The following MUC7 variants were observed in gnomAD, a reference collection of about 807,000 sequenced individuals.
The protein encoded by MUC7 is mucin 7, secreted.
MUC7 carries 2 observed loss-of-function variants against 2.5 expected under a neutral mutation model. The ratio of observed to expected loss-of-function variants is 0.81; its 90% CI spans 0.33 to 2.55. The LOEUF is 2.55. Ranked by LOEUF, MUC7 falls within the 30% of genes most tolerant of loss-of-function variation. The pLI, the probability that MUC7 is intolerant of heterozygous loss-of-function variation, is 0.11. For missense variants in MUC7, 408 were observed against 455.6 expected, an observed-to-expected ratio of 0.90 and a Z score of 0.95; for synonymous variants, 133 against 173.4, an observed-to-expected ratio of 0.77 and a Z score of 1.83.
At chr4:70,461,269 A>G (rs1734549884) in intron 1 of MUC7, among the ~76,000 whole-genome samples, 1 of 152,204 alleles carries the variant, frequency 6.6e-6, no homozygotes, top group Admixed American at 6.5e-5. Context: ...CTAGCAAGCC[A>G]TCTTGAACCT....
intron 1 of MUC7, among the ~76,000 whole-genome samples, chr4:70,458,776 A>C (rs1734472324): frequency 6.6e-6 from 1 of 152,150 alleles, no homozygotes; most frequent in Non-Finnish European, 1.5e-5. Flanking sequence ...TTATTTTAAA[A>C]ATACAACTGC....
chr4:70,467,091 C>T (rs1326398637), intron 1 of MUC7, among the ~76,000 whole-genome samples: 1 of 152,166 alleles, frequency 6.6e-6, no homozygotes, highest in Non-Finnish European at 1.5e-5. Context: ...AATTAGAACT[C>T]AGGATTAAGA....
intron 1 of MUC7, among the ~76,000 whole-genome samples, chr4:70,464,783 G>A (rs900673763): frequency 2.0e-4 from 31 of 152,180 alleles, no homozygotes; most frequent in Admixed American, 3.9e-4. Flanking sequence ...CACTCCCTGG[G>A]ACAAAGCACC....
At chr4:70,467,437 C>T (rs528956465), upstream of MUC7, among the ~76,000 whole-genome samples, 8 of 151,998 alleles carry the variant, frequency 5.3e-5, no homozygotes, top group East Asian at 1.3e-3. Context: ...CATAGAGACA[C>T]AAAAAAACCC....
intron 1 of MUC7, among the ~76,000 whole-genome samples, chr4:70,461,176 G>A (rs1288309022): frequency 6.6e-6 from 1 of 152,176 alleles, no homozygotes; most frequent in East Asian, 1.9e-4. Context: ...GACTGTAGTG[G>A]CCTCTCCTAG....
intron 2 of MUC7, among the ~76,000 whole-genome samples, chr4:70,476,544 C>T (rs1246193320): frequency 6.6e-6 from 1 of 152,200 alleles, no homozygotes. Context: ...AATACCTTGA[C>T]CTGATCCTTA....
chr4:70,479,264 G>A (rs751445091), intron 2 of MUC7, among the ~76,000 whole-genome samples: 2 of 152,106 alleles, frequency 1.3e-5, no homozygotes, highest in Non-Finnish European at 2.9e-5. Context: ...TAGTTATGTG[G>A]TTCATTCCCT....
chr4:70,462,360 G>A (rs917757047), intron 1 of MUC7, among the ~76,000 whole-genome samples: 6 of 152,114 alleles, frequency 3.9e-5, no homozygotes, highest in African/African-American at 7.2e-5. Context: ...TTTTAAAAGC[G>A]TTATTAAGAA....
Position 70,458,950 on chromosome 4 carries a change from C to T in MUC7, c.-92-13265C>T, listed in dbSNP as rs184670016. Among the ~76,000 whole-genome samples, 306 of 151,950 alleles carry T rather than the reference C, an allele frequency of 2.0e-3. 3 individuals carry two copies. The highest frequency in any genetic ancestry group is 2.8e-3 in the Non-Finnish European group (187 of 67,948). On this transcript the variant is annotated intron_variant, in intron 1 of 3. Transcript: ENST00000413702. ...TTAATAGAATAAGCAGGGAAATGTTCGACTGATAAAAGTTATAGTCTATCT... is the reference window on the plus strand; with the variant it reads ...TTAATAGAATAAGCAGGGAAATGTTTGACTGATAAAAGTTATAGTCTATCT...
At chr4:70,456,955 C>A (rs1352043041) in intron 1 of MUC7, among the ~76,000 whole-genome samples, 2 of 151,948 alleles carry the variant, frequency 1.3e-5, no homozygotes, top group Admixed American at 1.3e-4. Flanking sequence ...TAGACCATGC[C>A]CAAAATTGAA....
At chr4:70,436,433 A>G (rs1305790392) in intron 1 of MUC7, among the ~76,000 whole-genome samples, 1 of 151,210 alleles carries the variant, frequency 6.6e-6, no homozygotes, top group African/African-American at 2.4e-5. Flanking sequence ...TTGTCTTCTC[A>G]CTTTATTTCA....
In MUC7 at chr4:70,474,075, G is replaced by T; in HGVS notation, c.54G>T (p.Ser18=). 6.2e-7 allele frequency: 1 copy of T among 1,611,110 alleles called. No homozygotes were observed. Among genetic ancestry groups the T allele is most frequent in the Middle Eastern group, 1.7e-4 (1 of 6,046 alleles). ...VCICALSACF[S]FSEGRERDHE... ...TCTGTGCACTGAGTGCTTGCTTCTC[G>T]GTAAGTATTCACCCAAATAAGTTTT... Residue 18 remains serine (S), a splice_region_variant and synonymous_variant, in exon 2 of 3, where the codon TCG becomes TCT. Transcript: ENST00000304887.
intron 1 of MUC7, among the ~76,000 whole-genome samples, chr4:70,464,227 T>C (rs963716819): frequency 6.6e-6 from 1 of 152,168 alleles, no homozygotes; most frequent in South Asian, 2.1e-4. Context: ...CAGATACTAT[T>C]CTTTTCCCAC....
chr4:70,474,519 A>G (rs946142224), intron 2 of MUC7, among the ~76,000 whole-genome samples: 4 of 152,006 alleles, frequency 2.6e-5, no homozygotes, highest in African/African-American at 9.7e-5. Flanking sequence ...TGTCTTAAAA[A>G]TATATACAGA....
rs1733754829 is a variant in MUC7 at position 70,434,094 on chromosome 4, T to C, written c.-93+3407T>C. Among the ~76,000 whole-genome samples, 5 of 152,212 alleles carry C rather than the reference T, an allele frequency of 3.3e-5. No homozygotes were observed. The South Asian group carries it at 1.0e-3, about 32-fold the overall frequency. ...GCTGACTTGATCTTGGTGGGTAAGC[T>C]TCTTGATGTGCTGCTGGATTAAGTT... On this transcript the variant is annotated intron_variant, in intron 1 of 3. Transcript: ENST00000413702.
intron 1 of MUC7, among the ~76,000 whole-genome samples, chr4:70,431,055 T>C (rs932496465): frequency 3.3e-5 from 5 of 152,094 alleles, no homozygotes; most frequent in African/African-American, 1.2e-4. Context: ...GTATGCTACT[T>C]TTCAGTATGT....
At chr4:70,438,606 A>G (rs985001627) in intron 1 of MUC7, among the ~76,000 whole-genome samples, 6 of 151,926 alleles carry the variant, frequency 3.9e-5, no homozygotes, top group Non-Finnish European at 1.5e-5. Flanking sequence ...ACGGGCATGC[A>G]CCACCACACC....
rs564394234 is a variant in MUC7, at chr4:70,440,835, A to C, written c.-93+10148A>C. Among the ~76,000 whole-genome samples, 3 of 152,146 alleles carry C rather than the reference A, an allele frequency of 2.0e-5. No homozygotes were observed. In the East Asian group the frequency reaches 5.8e-4, roughly 29 times the overall value. ...GAAAGAGAATGGATGAGAAGAAGGAAAATTAACAGCACATCCCTTGTAGGA... is the reference window on the plus strand; with the variant it reads ...GAAAGAGAATGGATGAGAAGAAGGACAATTAACAGCACATCCCTTGTAGGA... On this transcript the variant is annotated intron_variant, in intron 1 of 3. Transcript: ENST00000413702.
chr4:70,437,199 G>A (rs1432230780), intron 1 of MUC7, among the ~76,000 whole-genome samples: 1 of 152,208 alleles, frequency 6.6e-6, no homozygotes, highest in African/African-American at 2.4e-5. Context: ...TCTCAGAGCT[G>A]GAATGCCGTG....
Sources: gnomAD v4.1 joint callset for allele counts (sites outside exome capture counted in the v4.1 genomes callset) on GRCh38, gnomAD v4.1.1 for gene constraint, MANE v1.5 for transcripts, NCBI Gene and HGNC (gene_info 2026-07-23, HGNC 2026-07-21) for gene names.